The following BTBD9 variants were observed in gnomAD, a reference collection of about 807,000 sequenced individuals.
BTBD9 encodes BTB domain containing 9.
BTBD9 carries 49 observed loss-of-function variants against 64.3 expected under a neutral mutation model. The observed-to-expected ratio is 0.76, with a 90% CI of 0.61 to 0.97. The LOEUF (loss-of-function observed/expected upper bound fraction) is 0.97. Ranked by LOEUF, BTBD9 falls within the 50% of genes least tolerant of loss-of-function variation. The probability of loss-of-function intolerance (pLI) is 0.00; values close to 1 mark genes in which losing one functional copy is unlikely to be tolerated. For synonymous variants in BTBD9, 260 were observed against 274.7 expected, an observed-to-expected ratio of 0.95 and a Z score of 0.53; for missense variants, 598 against 762.1, an observed-to-expected ratio of 0.78 and a Z score of 2.53.
At chr6:38,227,809 C>T (rs914111603) in intron 9 of BTBD9, among the ~76,000 whole-genome samples, 7 of 152,206 alleles carry the variant, frequency 4.6e-5, no homozygotes, top group Non-Finnish European at 1.0e-4. Flanking sequence ...GACTGGAGAA[C>T]AGTGAGTTCT....
At chr6:38,364,647 G>A (rs949622696) in intron 6 of BTBD9, among the ~76,000 whole-genome samples, 2 of 152,150 alleles carry the variant, frequency 1.3e-5, no homozygotes, top group Non-Finnish European at 2.9e-5. Context: ...CTTAGCTGTG[G>A]AGGGACTTTA....
Position 38,184,365 on chromosome 6 carries a change from A to C in BTBD9, c.1641+8154T>G, listed in dbSNP as rs1335910112. On this transcript the variant is annotated intron_variant, in intron 10 of 10. Coordinates refer to ENST00000481247, the MANE Select transcript of BTBD9 (RefSeq NM_001099272.2). This position sits in a 1 kb window ranked among gnomAD's most constrained non-coding sequence, Gnocchi z 4.4. ...CCTCCGTGCTGCCATCTGAAACCTA[A>C]GTTTGTTTCCATTATTTCTATTCCC... 1.3e-5 allele frequency among the ~76,000 whole-genome samples: 2 copies of C among 152,128 alleles called. No individual in the cohort carries two copies. The highest frequency in any genetic ancestry group is 4.1e-4 in the South Asian group (2 of 4,822).
chr6:38,582,401 C>T (rs938386833), intron 4 of BTBD9, among the ~76,000 whole-genome samples: 19 of 152,122 alleles, frequency 1.2e-4, no homozygotes, highest in African/African-American at 4.3e-4. Flanking sequence ...GAGTACAGTA[C>T]TATTATTACA....
intron 6 of BTBD9, among the ~76,000 whole-genome samples, chr6:38,385,887 C>T (rs989745910): frequency 4.7e-5 from 7 of 150,040 alleles, no homozygotes; most frequent in East Asian, 3.9e-4. Context: ...CTCCACCTCT[C>T]GAGTCCAAGC....
At chr6:38,558,233 GAATGATGCAGTGAGACCCTTTCTTAAAA>G (rs1365741749) in intron 6 of BTBD9, among the ~76,000 whole-genome samples, 6 of 150,554 alleles carry the variant, frequency 4.0e-5, no homozygotes, top group African/African-American at 9.8e-5. Flanking sequence ...ATTCCAGCCT[GAATGATGCAGTGAGACCCTTTCTTAAAA>G]AAAAAAAAAA....
chr6:38,498,179 C>T (rs1772039145), intron 6 of BTBD9, among the ~76,000 whole-genome samples: 1 of 152,200 alleles, frequency 6.6e-6, no homozygotes, highest in African/African-American at 2.4e-5. Context: ...ATTCAGCTGC[C>T]TGACGCACCT....
chr6:38,417,811 T>C (rs1251164113), intron 6 of BTBD9, among the ~76,000 whole-genome samples: 5 of 93,592 alleles, frequency 5.3e-5, no homozygotes, highest in Admixed American at 4.3e-4. Context: ...AAAAAAAATA[T>C]TGACACATAA....
At chr6:38,345,143 A>G (rs752933919) in intron 6 of BTBD9, 50 bp from the exon 7 acceptor site, 9 of 1,242,254 alleles carry the variant, frequency 7.2e-6, no homozygotes, top group Admixed American at 3.5e-5. Context: ...TCCCACCACA[A>G]CCAATCCAAG....
At position 38,171,300 on chromosome 6, in the gene BTBD9, CTTTT is replaced by C. The variant is rs1205580032; in HGVS notation, c.*3681_*3684del. The C allele has an allele frequency of 6.6e-6, 1 of 152,146 alleles. No homozygotes were observed. The highest frequency in any genetic ancestry group is 2.4e-5 in the African/African-American group (1 of 41,428). 9.4% of individuals were successfully genotyped at this position (152,146 alleles called of 1,614,324 possible). A position where few individuals can be genotyped will look rare whatever the true frequency, so the allele number is the denominator to read the frequency against. ...GGCAATTTTTTGCACAATTCAAAAGCTTTTTTTCTCTTTTTTGCCAAGGAATCAG... is the reference window on the plus strand; with the variant it reads ...GGCAATTTTTTGCACAATTCAAAAGCTTTCTCTTTTTTGCCAAGGAATCAG... On this transcript the variant is annotated 3_prime_UTR_variant, in exon 11 of 11. Transcript: ENST00000481247.
At chr6:38,449,489 G>C (rs1769424019) in intron 6 of BTBD9, among the ~76,000 whole-genome samples, 1 of 151,718 alleles carries the variant, frequency 6.6e-6, no homozygotes, top group African/African-American at 2.4e-5. Context: ...ACAAATTTTT[G>C]ACAAAAGTGG....
At chr6:38,432,743 TG>T (rs1162250741) in intron 6 of BTBD9, among the ~76,000 whole-genome samples, 1 of 151,880 alleles carries the variant, frequency 6.6e-6, no homozygotes, top group Non-Finnish European at 1.5e-5. Context: ...GCAGATTCAG[TG>T]TATGAGGACC....
intron 1 of BTBD9, among the ~76,000 whole-genome samples, chr6:38,625,478 C>T (rs1778135186): frequency 6.6e-6 from 1 of 152,160 alleles, no homozygotes; most frequent in South Asian, 2.1e-4. Context: ...TTTACAGTAG[C>T]TTTCTAAGGC....
intron 6 of BTBD9, among the ~76,000 whole-genome samples, chr6:38,552,492 A>C (rs1225523984): frequency 6.6e-6 from 1 of 152,204 alleles, no homozygotes; most frequent in Non-Finnish European, 1.5e-5. Context: ...TGAAAAAATA[A>C]AAATGGGCCG....
intron 6 of BTBD9, among the ~76,000 whole-genome samples, chr6:38,411,211 G>C (rs532389101): frequency 3.3e-5 from 5 of 152,182 alleles, no homozygotes; most frequent in African/African-American, 1.2e-4. Context: ...ATCAAAATTA[G>C]ATAAGTTGAT....
intron 6 of BTBD9, among the ~76,000 whole-genome samples, chr6:38,522,276 C>CA (rs1341462456): frequency 3.3e-5 from 5 of 151,744 alleles, no homozygotes; most frequent in Non-Finnish European, 7.4e-5. Context: ...TGAGAAAAAA[C>CA]AAAAAAACAA....
At chr6:38,602,592 C>T (rs1207055290) in intron 1 of BTBD9, among the ~76,000 whole-genome samples, 2 of 151,934 alleles carry the variant, frequency 1.3e-5, no homozygotes, top group East Asian at 1.9e-4. Context: ...TAGTGCACTA[C>T]ATACTTTGTA....
At chr6:38,524,273 C>T (rs1773390223) in intron 6 of BTBD9, among the ~76,000 whole-genome samples, 1 of 151,982 alleles carries the variant, frequency 6.6e-6, no homozygotes, top group African/African-American at 2.4e-5. Flanking sequence ...TGGTTTTTAG[C>T]TGAGTTTCCA....
chr6:38,545,524 A>G (rs1347140076), intron 6 of BTBD9, among the ~76,000 whole-genome samples: 1 of 152,152 alleles, frequency 6.6e-6, no homozygotes, highest in Non-Finnish European at 1.5e-5. Context: ...TCATGCCTGT[A>G]ATCCCAGCAC....
At chr6:38,310,540 G>C (rs1762789570) in intron 7 of BTBD9, among the ~76,000 whole-genome samples, 1 of 152,112 alleles carries the variant, frequency 6.6e-6, no homozygotes, top group Non-Finnish European at 1.5e-5. Flanking sequence ...CTGAATGTGT[G>C]ATGAAAAAAG....
Sources: allele counts gnomAD v4.1 joint callset (sites outside exome capture counted in the v4.1 genomes callset), GRCh38; gene constraint gnomAD v4.1.1; non-coding constraint Gnocchi (gnomAD v3.1); transcripts MANE v1.5; gene names NCBI Gene and HGNC (gene_info 2026-07-23, HGNC 2026-07-21).